The following EYS variants were observed in gnomAD, a reference collection of about 807,000 sequenced individuals.
The protein encoded by EYS is protein eyes shut homolog.
EYS carries 250 observed loss-of-function variants against 282.1 expected under a neutral mutation model. The observed-to-expected ratio is 0.89, with a 90% CI of 0.80 to 0.98. The LOEUF (loss-of-function observed/expected upper bound fraction) is 0.98. EYS is among the 50% of genes least tolerant of loss of function. The probability of loss-of-function intolerance (pLI) is 0.00; values close to 1 mark genes in which losing one functional copy is unlikely to be tolerated. For synonymous variants in EYS, 1,355 were observed against 1,282.9 expected, an observed-to-expected ratio of 1.06 and a Z score of -1.20; for missense variants, 4,016 against 3,709.0, an observed-to-expected ratio of 1.08 and a Z score of -2.15.
intron 28 of EYS, among the ~76,000 whole-genome samples, chr6:64,393,857 C>T (rs368597444): frequency 1.9e-4 from 29 of 151,888 alleles, no homozygotes; most frequent in Admixed American, 8.5e-4. Context: ...TGTTTGCAGA[C>T]GACATGATTG....
intron 5 of EYS, among the ~76,000 whole-genome samples, chr6:65,426,064 C>T (rs1767649318): frequency 6.6e-6 from 1 of 152,094 alleles, no homozygotes; most frequent in African/African-American, 2.4e-5. Context: ...CAGCCTCAAA[C>T]TCCTGGGCTA....
chr6:65,293,455 C>T (rs1768581708), intron 12 of EYS, among the ~76,000 whole-genome samples: 1 of 151,730 alleles, frequency 6.6e-6, no homozygotes, highest in Non-Finnish European at 1.5e-5. Flanking sequence ...AGCATATGGC[C>T]TTACCAAATG....
At chr6:65,271,393 C>A (rs1036700994) in intron 12 of EYS, among the ~76,000 whole-genome samples, 1 of 151,510 alleles carries the variant, frequency 6.6e-6, no homozygotes, top group Non-Finnish European at 1.5e-5. Flanking sequence ...TTTCCTCCAA[C>A]TTTTTATTCT....
chr6:65,068,162 G>C (rs1773800587), intron 12 of EYS, among the ~76,000 whole-genome samples: 1 of 151,922 alleles, frequency 6.6e-6, no homozygotes, highest in South Asian at 2.1e-4. Flanking sequence ...ACCTATTTCT[G>C]TCATCTTGGC....
At chr6:64,495,859 A>C (rs2150508670) in intron 26 of EYS, among the ~76,000 whole-genome samples, 1 of 152,024 alleles carries the variant, frequency 6.6e-6, no homozygotes, top group South Asian at 2.1e-4. Context: ...TGGAAGATTT[A>C]ATAATATATT....
intron 13 of EYS, among the ~76,000 whole-genome samples, chr6:65,000,403 A>G (rs977513617): frequency 2.6e-5 from 4 of 152,220 alleles, no homozygotes; most frequent in Admixed American, 6.5e-5. Context: ...ACCAGACATC[A>G]TATATACTGG....
chr6:64,591,144 A>G lies in EYS; in HGVS notation c.4723T>C (p.Leu1575=), dbSNP rs765741480. The G allele has an allele frequency of 1.1e-5, 17 of 1,551,368 alleles. No homozygotes were observed. Among genetic ancestry groups the G allele is most frequent in the Non-Finnish European group, 7.0e-6 (8 of 1,146,790 alleles). Residue 1575 remains leucine, a synonymous_variant, in exon 26 of 43, where the codon TTG becomes CTG. Transcript: ENST00000503581. ...KSSREFSDQV[L]HSKQSHFYET... ...TAAAAGTGGGACTGTTTGCTATGCAAAACTTGATCTGAGAATTCACGAGAG... is the reference window on the plus strand; with the variant it reads ...TAAAAGTGGGACTGTTTGCTATGCAGAACTTGATCTGAGAATTCACGAGAG...
intron 29 of EYS, among the ~76,000 whole-genome samples, chr6:64,341,146 T>C (rs761791367): frequency 3.9e-4 from 59 of 151,650 alleles, no homozygotes; most frequent in Non-Finnish European, 6.1e-4. Flanking sequence ...CCAAAGAAGT[T>C]TGGAGATTTC....
intron 21 of EYS, among the ~76,000 whole-genome samples, chr6:64,816,244 C>G (rs190739701): frequency 2.0e-5 from 3 of 152,090 alleles, no homozygotes; most frequent in Non-Finnish European, 4.4e-5. Flanking sequence ...TCACAGAATT[C>G]CGTGAACTTT....
chr6:64,463,583 A>C (rs542309502), intron 26 of EYS, among the ~76,000 whole-genome samples: 1 of 152,300 alleles, frequency 6.6e-6, no homozygotes, highest in South Asian at 2.1e-4. Flanking sequence ...CAAATTTTGA[A>C]AGTTAGGGAA....
intron 30 of EYS, among the ~76,000 whole-genome samples, chr6:64,276,146 T>C (rs1768110579): frequency 6.6e-6 from 1 of 152,188 alleles, no homozygotes; most frequent in Admixed American, 6.5e-5. Context: ...CCCCTTGAAC[T>C]TGTTTTGTGT....
At chr6:65,517,344 A>AAC (rs200859976) in intron 2 of EYS, among the ~76,000 whole-genome samples, 1,835 of 149,616 alleles carry the variant, frequency 0.012, 42 homozygotes, top group African/African-American at 0.042. Flanking sequence ...ACAACAACAA[A>AAC]AAAAAAACAA....
intron 4 of EYS, among the ~76,000 whole-genome samples, chr6:65,494,093 G>A (rs1447967805): frequency 2.0e-5 from 3 of 152,014 alleles, no homozygotes; most frequent in Non-Finnish European, 4.4e-5. Flanking sequence ...ATGGATGTTG[G>A]GAAAGATGTA....
At chr6:64,970,117 C>A (rs1252228533) in intron 14 of EYS, among the ~76,000 whole-genome samples, 1 of 150,472 alleles carries the variant, frequency 6.6e-6, no homozygotes. Context: ...ATGTAAAAAC[C>A]TCAAATATGA....
chr6:64,350,136 C>CA (rs1169015507), intron 29 of EYS, among the ~76,000 whole-genome samples: 1 of 151,444 alleles, frequency 6.6e-6, no homozygotes, highest in East Asian at 2.0e-4. Context: ...TGTCTCTACT[C>CA]AGAGTCTAAT....
intron 1 of EYS, among the ~76,000 whole-genome samples, chr6:65,644,722 A>G (rs1009479840): frequency 1.3e-5 from 2 of 152,240 alleles, no homozygotes; most frequent in Non-Finnish European, 2.9e-5. Context: ...ATTTCTCAGC[A>G]GAAATCCTGC....
chr6:65,399,918 T>C (rs962363493), intron 7 of EYS, among the ~76,000 whole-genome samples: 1 of 152,038 alleles, frequency 6.6e-6, no homozygotes, highest in African/African-American at 2.4e-5. Flanking sequence ...TGACCTCCAG[T>C]TGCCCAATTA....
intron 12 of EYS, among the ~76,000 whole-genome samples, chr6:65,095,532 T>C (rs940325283): frequency 1.3e-5 from 2 of 151,108 alleles, no homozygotes; most frequent in African/African-American, 4.8e-5. Flanking sequence ...CATTAAAGCA[T>C]CATGTTGGGC....
At chr6:64,451,989 G>A (rs1297712492) in intron 26 of EYS, among the ~76,000 whole-genome samples, 1 of 152,122 alleles carries the variant, frequency 6.6e-6, no homozygotes, top group African/African-American at 2.4e-5. Flanking sequence ...ATTCAACATA[G>A]TGTTGGAAGT....
Sources: allele counts gnomAD v4.1 joint callset (sites outside exome capture counted in the v4.1 genomes callset), GRCh38; gene constraint gnomAD v4.1.1; transcripts MANE v1.5; gene names NCBI Gene and HGNC (gene_info 2026-07-23, HGNC 2026-07-21).